THEMIS: variants seen among roughly 807,000 people sequenced by gnomAD.
The protein encoded by THEMIS is protein THEMIS.
THEMIS carries 37 observed loss-of-function variants against 52.6 expected under a neutral mutation model. The observed-to-expected ratio is 0.70, with a 90% CI of 0.54 to 0.93. THEMIS has a LOEUF of 0.93. Among genes scored for constraint, THEMIS ranks in the 40% least tolerant of loss-of-function variants. The pLI is 0.00. For missense variants in THEMIS, 808 were observed against 763.1 expected, an observed-to-expected ratio of 1.06 and a Z score of -0.69; for synonymous variants, 292 against 272.7, an observed-to-expected ratio of 1.07 and a Z score of -0.70.
At position 127,855,189 on chromosome 6, in the gene THEMIS, C is replaced by A. The variant is rs1167848929; in HGVS notation, c.92-1G>T. 1.9e-6 allele frequency: 3 copies of A among 1,575,464 alleles called. No homozygotes were observed. Among genetic ancestry groups the A allele is most frequent in the Non-Finnish European group, 2.6e-6 (3 of 1,165,358 alleles). ...TTTCCAAACATTTCATAAATAGAGC[C>A]TAAAAGGAAAGAAAAGTTAAAACAG... On this transcript the variant is annotated splice_acceptor_variant, in intron 1 of 5. Coordinates refer to ENST00000368248, the MANE Select transcript of THEMIS (RefSeq NM_001010923.3). LOFTEE classifies it high-confidence loss of function.
chr6:127,808,941 A>G (rs1777810538), intron 4 of THEMIS, among the ~76,000 whole-genome samples: 2 of 152,320 alleles, frequency 1.3e-5, no homozygotes, highest in South Asian at 4.1e-4. Context: ...CTATAGGTTA[A>G]TTTGGCTAAT....
chr6:127,875,384 C>A (rs1198996271), intron 1 of THEMIS, among the ~76,000 whole-genome samples: 2 of 152,190 alleles, frequency 1.3e-5, no homozygotes, highest in Non-Finnish European at 2.9e-5. Flanking sequence ...GAAGAAGCCT[C>A]AACACAATGT....
chr6:127,761,163 C>T (rs1776008726), intron 4 of THEMIS, among the ~76,000 whole-genome samples: 1 of 152,082 alleles, frequency 6.6e-6, no homozygotes, highest in African/African-American at 2.4e-5. Context: ...GAGATAACAT[C>T]TCACACCTGT....
chr6:127,733,727 T>A lies in THEMIS; in HGVS notation c.1759-13904A>T, dbSNP rs560423932. ...ATCTGAATCTATCAGGCCTCAAGAT[T>A]TAACTGTCAATTCTCAGGAAAATAA... On this transcript the variant is annotated intron_variant, in intron 4 of 5. Coordinates refer to ENST00000368248, the MANE Select transcript of THEMIS (RefSeq NM_001010923.3). Among the ~76,000 whole-genome samples the A allele has an allele frequency of 3.3e-5, 5 of 152,286 alleles. No homozygotes were observed. The South Asian group carries it at 1.0e-3, about 32-fold the overall frequency.
intron 1 of THEMIS, among the ~76,000 whole-genome samples, chr6:127,861,183 T>G (rs1779785754): frequency 1.3e-5 from 2 of 152,166 alleles, no homozygotes; most frequent in South Asian, 4.1e-4. Flanking sequence ...CTTATTGTTT[T>G]AGGAAGGACT....
intron 2 of THEMIS, among the ~76,000 whole-genome samples, chr6:127,834,695 C>A (rs1379087110): frequency 6.6e-6 from 1 of 152,072 alleles, no homozygotes; most frequent in Non-Finnish European, 1.5e-5. Flanking sequence ...ATCATAAAAT[C>A]TTTCAATTCA....
intron 5 of THEMIS, among the ~76,000 whole-genome samples, chr6:127,712,446 G>T (rs974645986): frequency 1.3e-5 from 2 of 151,872 alleles, no homozygotes; most frequent in Non-Finnish European, 2.9e-5. Context: ...CTCAAAATGT[G>T]CAAGAAATGT....
intron 4 of THEMIS, among the ~76,000 whole-genome samples, chr6:127,810,737 T>G (rs1777876411): frequency 6.6e-6 from 1 of 152,094 alleles, no homozygotes; most frequent in African/African-American, 2.4e-5. Flanking sequence ...AAGCAATAAA[T>G]TAGTTGAGTC....
intron 1 of THEMIS, among the ~76,000 whole-genome samples, chr6:127,866,523 G>A (rs1483502809): frequency 2.0e-5 from 3 of 151,922 alleles, no homozygotes; most frequent in Non-Finnish European, 4.4e-5. Context: ...AAGAGTCACT[G>A]AGAAATTTTA....
chr6:127,865,606 A>G (rs1779949528), intron 1 of THEMIS, among the ~76,000 whole-genome samples: 1 of 152,150 alleles, frequency 6.6e-6, no homozygotes, highest in Non-Finnish European at 1.5e-5. Flanking sequence ...CTTGTAGAAA[A>G]TTAATAGAAA....
chr6:127,803,151 C>A (rs1192105403), intron 4 of THEMIS, among the ~76,000 whole-genome samples: 1 of 152,142 alleles, frequency 6.6e-6, no homozygotes, highest in African/African-American at 2.4e-5. Flanking sequence ...CCTAACTGGT[C>A]TCCCTGCCTC....
chr6:127,841,251 C>T (rs1370812997), intron 2 of THEMIS, among the ~76,000 whole-genome samples: 19 of 151,988 alleles, frequency 1.3e-4, no homozygotes, highest in Admixed American at 1.2e-3. Flanking sequence ...GTGGCAAAAC[C>T]TCTAAATCCC....
intron 1 of THEMIS, among the ~76,000 whole-genome samples, chr6:127,915,981 C>A (rs565691408): frequency 6.6e-6 from 1 of 152,002 alleles, no homozygotes; most frequent in East Asian, 1.9e-4. Flanking sequence ...AGCACCACTC[C>A]GTCTCAAAAC....
chr6:127,730,341 G>GAA (rs1562219962), intron 4 of THEMIS, among the ~76,000 whole-genome samples: 1 of 123,098 alleles, frequency 8.1e-6, no homozygotes, highest in South Asian at 2.6e-4. Context: ...GAAAAGAAAA[G>GAA]AAGAGAAGAG....
In THEMIS at chr6:127,829,595, G is replaced by C; in HGVS notation, c.590C>G (p.Thr197Arg). 2.5e-6 allele frequency: 4 copies of C among 1,614,058 alleles called. No individual in the cohort carries two copies. The highest frequency in any genetic ancestry group is 3.4e-6 in the Non-Finnish European group (4 of 1,179,974). ...AAAATCTGTAAGGTTTACAGTTCTT[G>C]TTCTGTTCTTAGGAATCTTCCATTC... is the stretch of plus-strand genomic sequence containing the variant. Reference protein sequence around the residue: ...IVEWKIPKNRTRTVNLTDFSN... With the variant: ...IVEWKIPKNRRRTVNLTDFSN... The change falls in exon 3 of 6, where the codon ACA becomes AGA. Residue 197 changes from threonine (T) to arginine (R), a missense_variant. Physicochemically the swap from Thr to Arg is moderately conservative, Grantham distance 71. Transcript: ENST00000368248.
Position 127,742,313 on chromosome 6 carries a change from TAA to T in THEMIS, c.1759-22492_1759-22491del, listed in dbSNP as rs778252716. On this transcript the variant is annotated intron_variant, in intron 4 of 5. Transcript: ENST00000368248. ...CTGAGTGACAGAGTGAGACTCTGCT[TAA>T]AAAAAAAAAAAAACAAACAAAAAAA... Among the ~76,000 whole-genome samples, 480 of 121,210 alleles carry T rather than the reference TAA, an allele frequency of 4.0e-3. 3 individuals are homozygous for T. Among genetic ancestry groups the T allele is most frequent in the African/African-American group, 0.014 (451 of 32,142 alleles). 79.5% of individuals were successfully genotyped at this position (121,210 alleles called of 152,430 possible). A position where few individuals can be genotyped will look rare whatever the true frequency, so the allele number is the denominator to read the frequency against.
At chr6:127,762,962 A>G (rs976165539) in intron 4 of THEMIS, among the ~76,000 whole-genome samples, 1 of 152,006 alleles carries the variant, frequency 6.6e-6, no homozygotes, top group Non-Finnish European at 1.5e-5. Flanking sequence ...CACTGAAAAA[A>G]AAAGATAGAT....
intron 4 of THEMIS, among the ~76,000 whole-genome samples, chr6:127,723,326 T>C (rs1176451664): frequency 6.6e-6 from 1 of 152,038 alleles, no homozygotes; most frequent in African/African-American, 2.4e-5. Context: ...ATCTGACATG[T>C]CTGGTCACCT....
chr6:127,816,850 T>A (rs1778153397), intron 3 of THEMIS, among the ~76,000 whole-genome samples: 2 of 152,176 alleles, frequency 1.3e-5, no homozygotes, highest in Admixed American at 1.3e-4. Flanking sequence ...AACTCCCCGC[T>A]GTCTCCCGGA....
Sources: gnomAD v4.1 joint callset for allele counts (sites outside exome capture counted in the v4.1 genomes callset) on GRCh38, gnomAD v4.1.1 for gene constraint, MANE v1.5 for transcripts, NCBI Gene and HGNC (gene_info 2026-07-23, HGNC 2026-07-21) for gene names.